The following DNAH3 variants were observed in gnomAD, a reference collection of about 807,000 sequenced individuals.
The protein encoded by DNAH3 is axonemal beta dynein heavy chain 3.
A neutral mutation model predicts 432.5 loss-of-function variants in DNAH3; 332 were observed. The observed-to-expected ratio is 0.77, with a 90% CI of 0.70 to 0.84. The LOEUF is 0.84. Ranked by LOEUF, DNAH3 falls within the 40% of genes least tolerant of loss-of-function variation. DNAH3 has a pLI of 0.00. For synonymous variants in DNAH3, 1,956 were observed against 1,900.2 expected, an observed-to-expected ratio of 1.03 and a Z score of -0.76; for missense variants, 4,861 against 5,114.0, an observed-to-expected ratio of 0.95 and a Z score of 1.51.
At position 21,134,313 on chromosome 16, in the gene DNAH3, TGCTCCTCGTTCCAC is replaced by T. The variant is rs769982309; in HGVS notation, c.1014_1027del (p.Trp339SerfsTer86). ...CATCATGGGGTTCACCGTGTGCAGA[TGCTCCTCGTTCCAC>T]TTCTTGGCGCTCCTGTAGACACTGT... is the stretch of plus-strand genomic sequence containing the variant. On this transcript the variant is annotated frameshift_variant, in exon 7 of 62. Coordinates refer to ENST00000261383, the Ensembl canonical transcript of DNAH3. LOFTEE classifies it high-confidence loss of function. 6.2e-7 allele frequency: 1 copy of T among 1,614,138 alleles called. No individual in the cohort carries two copies. Among genetic ancestry groups the T allele is most frequent in the South Asian group, 1.1e-5 (1 of 91,074 alleles).
chr16:21,092,382 CAACAAATAAAGATGA>C (rs549408100), intron 18 of DNAH3, among the ~76,000 whole-genome samples: 1 of 151,920 alleles, frequency 6.6e-6, no homozygotes, highest in African/African-American at 2.4e-5. Context: ...ATAGCCTTTT[CAACAAATAAAGATGA>C]AAAAATTGGA....
intron 48 of DNAH3, among the ~76,000 whole-genome samples, chr16:20,983,840 C>G (rs2086036623): frequency 6.6e-6 from 1 of 151,704 alleles, no homozygotes. Context: ...AAGTGAACCC[C>G]ACATCCCCGT....
At chr16:20,951,053 A>G (rs2084287590) in intron 56 of DNAH3, among the ~76,000 whole-genome samples, 2 of 152,096 alleles carry the variant, frequency 1.3e-5, no homozygotes, top group African/African-American at 4.8e-5. Flanking sequence ...GGCTCAAGCA[A>G]TCTTCCCACC....
rs776881794 is a variant in DNAH3 at position 21,111,699 on chromosome 16, A to G, written c.2026T>C (p.Cys676Arg). 28 of 1,614,102 alleles carry G rather than the reference A, an allele frequency of 1.7e-5. No homozygotes were observed. The South Asian group carries it at 3.1e-4, about 18-fold the overall frequency. Reference sequence around the variant, plus strand: ...TCTTTAAGATTTTGAGCTCGCTCACAGAGATCATGATTTAGGGCCGTAGCA... The same window carrying G: ...TCTTTAAGATTTTGAGCTCGCTCACGGAGATCATGATTTAGGGCCGTAGCA... The change falls in exon 14 of 62, where the codon TGT (cysteine) becomes CGT (arginine). Residue 676 changes from cysteine (C) to arginine (R), a missense_variant. Coordinates refer to ENST00000261383, the Ensembl canonical transcript of DNAH3.
At chr16:20,993,637 C>T (rs182614917) in intron 44 of DNAH3, among the ~76,000 whole-genome samples, 13 of 152,240 alleles carry the variant, frequency 8.5e-5, no homozygotes, top group East Asian at 3.9e-4. Context: ...AACTTTATTT[C>T]CCATATAAGT....
chr16:21,154,370 A>C (rs1597506469), intron 1 of DNAH3, among the ~76,000 whole-genome samples: 1 of 151,242 alleles, frequency 6.6e-6, no homozygotes, highest in East Asian at 1.9e-4. Flanking sequence ...ACACCATTGC[A>C]CTCCAGCCTG....
chr16:20,993,204 C>T (rs563643318), intron 44 of DNAH3, among the ~76,000 whole-genome samples: 11 of 152,110 alleles, frequency 7.2e-5, no homozygotes, highest in African/African-American at 2.7e-4. Context: ...TCCTTTTTTC[C>T]ACCCCAAGAC....
chr16:21,089,509 A>C (rs992598229), intron 18 of DNAH3, among the ~76,000 whole-genome samples: 4 of 152,224 alleles, frequency 2.6e-5, no homozygotes, highest in Non-Finnish European at 1.5e-5. Flanking sequence ...AATCATGCAA[A>C]GTGTCTTTTA....
In DNAH3 at chr16:21,139,320, C is replaced by CTTTTTTTTTTTTTT. The variant is rs9302391; in HGVS notation, c.696+1202_696+1215dup. ...AATGTAGCTTGAGACTTTCCTCATG[C>CTTTTTTTTTTTTTT]TTTTTTTTTTTTTTTTTTTTTTTTT... is the stretch of plus-strand genomic sequence containing the variant. On this transcript the variant is annotated intron_variant, in intron 5 of 61. Coordinates refer to ENST00000261383, the Ensembl canonical transcript of DNAH3. Among the ~76,000 whole-genome samples the CTTTTTTTTTTTTTT allele has an allele frequency of 7.8e-3, 232 of 29,634 alleles. 54 individuals carry two copies. Among genetic ancestry groups the CTTTTTTTTTTTTTT allele is most frequent in the East Asian group, 0.021 (15 of 702 alleles). The allele number at this position is 29,634 out of a possible 152,430, so 19.4% of individuals were successfully genotyped here.
At chr16:21,042,529 T>G (rs909156312) in intron 31 of DNAH3, among the ~76,000 whole-genome samples, 1 of 152,188 alleles carries the variant, frequency 6.6e-6, no homozygotes, top group Non-Finnish European at 1.5e-5. Flanking sequence ...CTGATCTTTA[T>G]TCATCATCCA....
chr16:21,009,965 G>GGAGAA (rs144168527), intron 41 of DNAH3, among the ~76,000 whole-genome samples: 30 of 148,326 alleles, frequency 2.0e-4, no homozygotes, highest in African/African-American at 4.2e-4. Flanking sequence ...GAAGGGAAGA[G>GGAGAA]GAGAAGAGAA....
At chr16:21,051,903 A>AAACAC in intron 28 of DNAH3, 35 bp from the exon 29 acceptor site, 1 of 1,587,492 alleles carries the variant, frequency 6.3e-7, no homozygotes, top group Non-Finnish European at 8.7e-7. Flanking sequence ...ACGCACACAG[A>AAACAC]GCCATCAGAA....
chr16:20,955,096 A>G (rs774248851), intron 54 of DNAH3, 39 bp from the exon 55 acceptor site: 21 of 1,539,152 alleles, frequency 1.4e-5, no homozygotes, highest in African/African-American at 2.8e-5. Context: ...GAGCAATACA[A>G]TAAGTTATAG....
chr16:20,987,838 A>G (rs1281027703), exon 46 of DNAH3: 2 of 1,614,154 alleles, frequency 1.2e-6, no homozygotes, highest in Non-Finnish European at 1.7e-6. Context: ...TTGGACCAGC[A>G]TCTTTCCGTA....
At chr16:21,072,633 G>T (rs1227829687) in intron 21 of DNAH3, among the ~76,000 whole-genome samples, 4 of 151,248 alleles carry the variant, frequency 2.6e-5, no homozygotes, top group African/African-American at 4.9e-5. Context: ...ACCATGCCTG[G>T]CTTGTTTTAT....
At chr16:21,054,444 C>A (rs1597254852) in exon 28 of DNAH3, 1 of 1,614,066 alleles carries the variant, frequency 6.2e-7, no homozygotes, top group Non-Finnish European at 8.5e-7. Flanking sequence ...ACCGTGAGGG[C>A]CCCGAGAGTG....
In DNAH3 at chr16:21,121,934, G is replaced by C; in HGVS notation, c.1584+11C>G. On this transcript the variant is annotated intron_variant, in intron 10 of 61. Coordinates refer to ENST00000261383, the Ensembl canonical transcript of DNAH3. ...AAATCATGCAAATGAATGATTAAGT[G>C]ACTACTATACCTTGGGGATCCCATT... 3 of 1,576,240 alleles carry C rather than the reference G, an allele frequency of 1.9e-6. No individual in the cohort carries two copies. The highest frequency in any genetic ancestry group is 2.6e-6 in the Non-Finnish European group (3 of 1,161,966).
chr16:20,939,219 A>C (rs968570445), intron 59 of DNAH3, among the ~76,000 whole-genome samples: 3 of 152,100 alleles, frequency 2.0e-5, no homozygotes, highest in African/African-American at 7.2e-5. Flanking sequence ...ACTACAGTCC[A>C]TCATGCCAAG....
At chr16:21,071,217 T>G (rs1481646684) in intron 21 of DNAH3, among the ~76,000 whole-genome samples, 1 of 152,178 alleles carries the variant, frequency 6.6e-6, no homozygotes, top group Admixed American at 6.5e-5. Context: ...TAATTCTGTA[T>G]TTTTAGTAGA....
Sources: allele counts gnomAD v4.1 joint callset (sites outside exome capture counted in the v4.1 genomes callset), GRCh38; gene constraint gnomAD v4.1.1; transcripts MANE v1.5; gene names NCBI Gene and HGNC (gene_info 2026-07-23, HGNC 2026-07-21).